The following DMD variants were observed in gnomAD, a reference collection of about 807,000 sequenced individuals.
DMD encodes the protein dystrophin.
A neutral mutation model predicts 330.1 loss-of-function variants in DMD; 63 were observed. The observed-to-expected ratio is 0.19, with a 90% CI of 0.16 to 0.24. DMD has a LOEUF of 0.24. Among genes scored for constraint, DMD ranks in the 10% least tolerant of loss-of-function variants. The pLI is 1.00. For missense variants in DMD, 3,344 were observed against 2,684.1 expected (o/e 1.25, Z -5.43); for synonymous variants, 1,223 against 959.8 (o/e 1.27, Z -5.07).
At chrX:31,461,025 C>T (rs925352521) in intron 59 of DMD, among the ~76,000 whole-genome samples, 17 of 111,556 alleles carry the variant, frequency 1.5e-4, no homozygotes, top group Non-Finnish European at 2.8e-4. Context: ...AAGTCTTCCA[C>T]AAGTGAGATT....
chrX:31,767,702 T>C (rs1342873176), intron 51 of DMD, among the ~76,000 whole-genome samples: 5 of 112,004 alleles, frequency 4.5e-5, no homozygotes, highest in African/African-American at 1.6e-4. Flanking sequence ...CCATCAATTC[T>C]TCCAGGGCTA....
chrX:32,196,807 A>C (rs1465917930), intron 44 of DMD, among the ~76,000 whole-genome samples: 2 of 109,181 alleles, frequency 1.8e-5, no homozygotes, highest in Admixed American at 9.8e-5. Context: ...AACACGGTGA[A>C]ACCCCGTCTC....
chrX:31,531,339 T>C (rs1179473246), intron 55 of DMD, among the ~76,000 whole-genome samples: 1 of 56,379 alleles, frequency 1.8e-5, no homozygotes, highest in Non-Finnish European at 3.1e-5. Flanking sequence ...CAGCACCTGT[T>C]GTTTCCTGAC....
intron 53 of DMD, among the ~76,000 whole-genome samples, chrX:31,663,809 A>C (rs1426583585): frequency 9.0e-6 from 1 of 111,183 alleles, no homozygotes; most frequent in Admixed American, 9.6e-5. Flanking sequence ...TCTGCACTCT[A>C]TCATTTTCTT....
chrX:32,872,300 G>A lies in DMD; in HGVS notation c.94-22480C>T, dbSNP rs369027598. 5.4e-5 allele frequency among the ~76,000 whole-genome samples: 6 copies of A among 111,817 alleles called. No homozygotes were observed. The East Asian group carries it at 8.4e-4, about 16-fold the overall frequency. ...GCTGCAATGACTTTGATCAATTTGC[G>A]TCCATGTTCATGGCCAGTTCATGCT... On this transcript the variant is annotated intron_variant, in intron 2 of 78. Transcript: ENST00000357033.
chrX:32,785,833 A>G (rs1221901201), intron 7 of DMD, among the ~76,000 whole-genome samples: 1 of 111,561 alleles, frequency 9.0e-6, no homozygotes, highest in Non-Finnish European at 1.9e-5. Flanking sequence ...TATCGTTGTT[A>G]TATTTTGCAA....
intron 44 of DMD, among the ~76,000 whole-genome samples, chrX:32,178,830 GGTGT>G (rs60773717): frequency 0.32 from 31,251 of 98,802 alleles, 4,207 homozygotes; most frequent in East Asian, 0.54. Flanking sequence ...TATTCCAGGG[GGTGT>G]GTGTGTGTGT....
chrX:32,399,976 C>A (rs1243587614), intron 30 of DMD, among the ~76,000 whole-genome samples: 1 of 111,376 alleles, frequency 9.0e-6, no homozygotes, highest in Non-Finnish European at 1.9e-5. Context: ...TTGCCCTGGC[C>A]AGAACTTCCA....
At chrX:32,408,977 G>T (rs1346254978) in intron 30 of DMD, among the ~76,000 whole-genome samples, 2 of 107,084 alleles carry the variant, frequency 1.9e-5, no homozygotes, top group Non-Finnish European at 3.9e-5. Flanking sequence ...TGTCATTTTG[G>T]TGGCATTCTT....
intron 50 of DMD, 128 bp downstream of exon 50, chrX:31,819,847 A>G (rs2092714962): frequency 1.8e-6 from 1 of 561,427 alleles, no homozygotes; most frequent in Non-Finnish European, 3.1e-6. Context: ...TTGCACAGTC[A>G]ATAACACAAA....
At chrX:31,316,537 T>C (rs973317487) in intron 62 of DMD, among the ~76,000 whole-genome samples, 1 of 111,616 alleles carries the variant, frequency 9.0e-6, no homozygotes, top group African/African-American at 3.3e-5. Context: ...GATATCAACA[T>C]CTACATCTCC....
At chrX:32,591,981 G>A (rs1439709806) in intron 13 of DMD, among the ~76,000 whole-genome samples, 2 of 112,684 alleles carry the variant, frequency 1.8e-5, no homozygotes, top group Non-Finnish European at 3.8e-5. Flanking sequence ...TGGCATGCCA[G>A]CCCCCTGCTG....
At chrX:32,642,830 C>T (rs1187136081) in intron 11 of DMD, among the ~76,000 whole-genome samples, 1 of 110,907 alleles carries the variant, frequency 9.0e-6, no homozygotes, top group Non-Finnish European at 1.9e-5. Context: ...ACCTAGAGTG[C>T]ACAAAGGAGA....
At chrX:31,913,734 A>AAAAAC (rs61632991) in intron 47 of DMD, among the ~76,000 whole-genome samples, 13,414 of 107,699 alleles carry the variant, frequency 0.12, 761 homozygotes, top group African/African-American at 0.19. Flanking sequence ...AAACAAAAAC[A>AAAAAC]AAAACAAAAC....
intron 2 of DMD, among the ~76,000 whole-genome samples, chrX:32,959,245 T>C (rs1022731504): frequency 2.7e-5 from 3 of 111,513 alleles, no homozygotes; most frequent in Non-Finnish European, 3.8e-5. Flanking sequence ...AGAAGGTAAA[T>C]AATTTGCCTG....
chrX:32,748,644 T>C (rs192288667), intron 7 of DMD, among the ~76,000 whole-genome samples: 31 of 111,992 alleles, frequency 2.8e-4, no homozygotes, highest in African/African-American at 9.7e-4. Context: ...ATGATGGTAT[T>C]AGGTAAGTCA....
intron 53 of DMD, among the ~76,000 whole-genome samples, chrX:31,669,122 C>T (rs905842766): frequency 9.9e-5 from 11 of 111,672 alleles, no homozygotes; most frequent in African/African-American, 2.9e-4. Context: ...TGGATATATA[C>T]CCGGAAGTGG....
At chrX:32,087,507 C>T (rs181822185) in intron 44 of DMD, among the ~76,000 whole-genome samples, 49 of 111,273 alleles carry the variant, frequency 4.4e-4, no homozygotes, top group African/African-American at 1.5e-3. Context: ...ATGATCTGGA[C>T]GTTAAGAAAT....
chrX:31,311,252 T>C (rs1379170449), intron 62 of DMD, among the ~76,000 whole-genome samples: 1 of 105,074 alleles, frequency 9.5e-6, no homozygotes, highest in East Asian at 3.0e-4. Flanking sequence ...TGTTCTGGAA[T>C]GGGGGGCGGG....
Sources: gnomAD v4.1 joint callset for allele counts (sites outside exome capture counted in the v4.1 genomes callset) on GRCh38, gnomAD v4.1.1 for gene constraint, MANE v1.5 for transcripts, NCBI Gene and HGNC (gene_info 2026-07-23, HGNC 2026-07-21) for gene names.